The following BCL11A variants were observed in gnomAD, a reference collection of about 807,000 sequenced individuals.
BCL11A encodes BCL11 transcription factor A, also known as B cell CLL/lymphoma 11A.
In BCL11A, 2 loss-of-function variants were observed where a neutral mutation model predicts 55.9. That is an observed-to-expected ratio of 0.04 (90% CI 0.01 to 0.11). BCL11A has a LOEUF of 0.11. Among genes scored for constraint, BCL11A ranks in the 10% least tolerant of loss-of-function variants. The probability of loss-of-function intolerance (pLI) is 1.00; values close to 1 mark genes in which losing one functional copy is unlikely to be tolerated. For synonymous variants in BCL11A, 465 were observed against 473.4 expected, an observed-to-expected ratio of 0.98 and a Z score of 0.23; for missense variants, 817 against 1,137.1, an observed-to-expected ratio of 0.72 and a Z score of 4.05.
intron 2 of BCL11A, among the ~76,000 whole-genome samples, chr2:60,473,446 T>C (rs569453611): frequency 2.2e-4 from 33 of 152,130 alleles, no homozygotes; most frequent in Non-Finnish European, 4.7e-4. Flanking sequence ...TCCATAATCC[T>C]CAAGTCCCTC....
intron 2 of BCL11A, among the ~76,000 whole-genome samples, chr2:60,500,330 G>A (rs1679212009): frequency 1.3e-5 from 2 of 152,158 alleles, no homozygotes; most frequent in South Asian, 2.1e-4. Flanking sequence ...GGTTCCCGGG[G>A]CCAGTTCCCC....
intron 2 of BCL11A, among the ~76,000 whole-genome samples, chr2:60,505,169 G>T (rs755515222): frequency 6.6e-6 from 1 of 152,122 alleles, no homozygotes; most frequent in African/African-American, 2.4e-5. Context: ...GATTTTATCC[G>T]TATCCTCATT....
intron 1 of BCL11A, among the ~76,000 whole-genome samples, chr2:60,549,411 C>A (rs1436992133): frequency 6.6e-6 from 1 of 152,196 alleles, no homozygotes; most frequent in East Asian, 1.9e-4. Flanking sequence ...GGTAAAGAAG[C>A]AAACGGAGGC....
At chr2:60,498,862 A>G (rs989061952) in intron 2 of BCL11A, among the ~76,000 whole-genome samples, 2 of 152,008 alleles carry the variant, frequency 1.3e-5, no homozygotes, top group African/African-American at 4.8e-5. Flanking sequence ...CATACATTTG[A>G]ATTACCTGTA....
chr2:60,551,171 A>G (rs1670399247), intron 1 of BCL11A, among the ~76,000 whole-genome samples: 1 of 152,172 alleles, frequency 6.6e-6, no homozygotes, highest in Admixed American at 6.5e-5. Flanking sequence ...TAAATTGAGT[A>G]GGGGGGGAAT....
Position 60,553,463 on chromosome 2 carries a change from G to A in BCL11A, c.-193C>T, listed in dbSNP as rs1256931647. The A allele has an allele frequency of 6.4e-6, 1 of 155,412 alleles. No homozygotes were observed. Among genetic ancestry groups the A allele is most frequent in the Non-Finnish European group, 1.2e-5 (1 of 81,362 alleles). 9.6% of individuals were successfully genotyped at this position (155,412 alleles called of 1,614,324 possible). ...AGGGAAGATGAATTGTGGGAGAGCC[G>A]TCATGGCTTTTTTTTAAGCAAAAAA... On this transcript the variant is annotated 5_prime_UTR_variant, in exon 1 of 4. In the 5' UTR this introduces an upstream ATG that the reference lacks. Coordinates refer to ENST00000642384, the MANE Select transcript of BCL11A (RefSeq NM_022893.4).
chr2:60,488,409 T>C (rs1036223688), intron 2 of BCL11A, among the ~76,000 whole-genome samples: 1 of 152,180 alleles, frequency 6.6e-6, no homozygotes. Context: ...CTTGAGATAA[T>C]AGGACAATGC....
At chr2:60,514,422 C>T (rs1352724286) in intron 2 of BCL11A, among the ~76,000 whole-genome samples, 1 of 150,364 alleles carries the variant, frequency 6.7e-6, no homozygotes, top group Non-Finnish European at 1.5e-5. Context: ...TTTGGGAGGC[C>T]GAGGCGTGTG....
rs553161595 is a variant in BCL11A, at chr2:60,460,356, GAA to G, written c.*46_*47del. ...GAGGGCGATGGGGAAGGGGAGTGGT[GAA>G]AAAGGGGGTGTCAGGTGGGAGTGAG... is the stretch of plus-strand genomic sequence containing the variant. On this transcript the variant is annotated 3_prime_UTR_variant, in exon 4 of 4. Transcript: ENST00000642384. 1 of 1,546,856 alleles carries G rather than the reference GAA, an allele frequency of 6.5e-7. No individual in the cohort carries two copies. The highest frequency in any genetic ancestry group is 1.8e-5 in the Admixed American group (1 of 55,116).
rs766775805 is a variant in BCL11A, at chr2:60,461,540, T to A, written c.1372A>T (p.Ser458Cys). The A allele has an allele frequency of 1.9e-6, 3 of 1,610,064 alleles. No individual in the cohort carries two copies. Among genetic ancestry groups the A allele is most frequent in the Non-Finnish European group, 1.7e-6 (2 of 1,180,004 alleles). ...ACGGACTTGAGCGCGCTGCTGGCGC[T>A]GCCCACCAAGTCGCTGGTGCCGGGT... ...PEPGTSDLVGSASSALKSVVA... is the reference protein window; with the variant it reads ...PEPGTSDLVGCASSALKSVVA... Residue 458 changes from serine to cysteine, a missense_variant, in exon 4 of 4, where the codon AGC becomes TGC. This residue lies in a region of BCL11A where 379 missense variants were observed against 425.3 expected (regional missense o/e 0.89). Transcript: ENST00000642384.
intron 3 of BCL11A, among the ~76,000 whole-genome samples, chr2:60,468,073 AGTGATGGTGGTGGTTGTGG>A (rs1676976883): frequency 5.1e-4 from 5 of 9,866 alleles, no homozygotes; most frequent in East Asian, 3.3e-3. Context: ...TGGTGGTGGT[AGTGATGGTGGTGGTTGTGG>A]TGGTGGTGGT....
At chr2:60,481,250 C>A (rs1677939422) in intron 2 of BCL11A, among the ~76,000 whole-genome samples, 1 of 152,076 alleles carries the variant, frequency 6.6e-6, no homozygotes, top group African/African-American at 2.4e-5. Flanking sequence ...CATTCCCAAA[C>A]CTAGCCACCC....
chr2:60,550,172 C>T (rs1260613740), intron 1 of BCL11A, among the ~76,000 whole-genome samples: 1 of 152,100 alleles, frequency 6.6e-6, no homozygotes, highest in Non-Finnish European at 1.5e-5. Context: ...CTAGAGCGCG[C>T]ACTCCCGGTT....
chr2:60,461,607 C>T lies in BCL11A; in HGVS notation c.1305G>A (p.Thr435=), dbSNP rs1257070301. ...TGGAGAGACCGTCGTCGGACTTGAC[C>T]GTCATGGGGGACGATTTGTGCATGT... is the stretch of plus-strand genomic sequence containing the variant. The part of the protein sequence containing the change: ...KTHMHKSSPM[T]VKSDDGLSTA... The change falls in exon 4 of 4, where the codon ACG becomes ACA. Residue 435 remains threonine, a synonymous_variant. Transcript: ENST00000642384. The T allele has an allele frequency of 6.2e-7, 1 of 1,613,552 alleles. No individual in the cohort carries two copies. The highest frequency in any genetic ancestry group is 8.5e-7 in the Non-Finnish European group (1 of 1,180,040).
intron 2 of BCL11A, among the ~76,000 whole-genome samples, chr2:60,511,290 T>C (rs1468232067): frequency 6.6e-6 from 1 of 152,198 alleles, no homozygotes; most frequent in Non-Finnish European, 1.5e-5. Flanking sequence ...AAAGCTAAAA[T>C]ACCCTTTCCC....
chr2:60,471,520 C>A (rs1677194414), intron 2 of BCL11A, among the ~76,000 whole-genome samples: 1 of 152,200 alleles, frequency 6.6e-6, no homozygotes, highest in African/African-American at 2.4e-5. Flanking sequence ...TGCTATGATG[C>A]CTTCAATTAT....
intron 2 of BCL11A, among the ~76,000 whole-genome samples, chr2:60,539,117 C>T (rs775848688): frequency 5.9e-5 from 9 of 152,234 alleles, no homozygotes; most frequent in Non-Finnish European, 1.3e-4. Context: ...CTGTCTTTCA[C>T]ACTGGGCTAT....
At chr2:60,489,481 C>T (rs571336049) in intron 2 of BCL11A, among the ~76,000 whole-genome samples, 1 of 152,318 alleles carries the variant, frequency 6.6e-6, no homozygotes, top group African/African-American at 2.4e-5. Context: ...ATAGCTGCCT[C>T]ATCATCCAGG....
chr2:60,468,873 C>A, intron 2 of BCL11A, 40 bp from the exon 3 acceptor site: 16 of 1,254,862 alleles, frequency 1.3e-5, no homozygotes, highest in Non-Finnish European at 1.6e-5. Context: ...CAGCTACAAA[C>A]AACGTGCATC....
Sources: allele counts gnomAD v4.1 joint callset (sites outside exome capture counted in the v4.1 genomes callset), GRCh38; gene constraint gnomAD v4.1.1; regional missense constraint gnomAD v4.1.1; transcripts MANE v1.5; gene names NCBI Gene and HGNC (gene_info 2026-07-23, HGNC 2026-07-21).